CADM1: variants seen among roughly 807,000 people sequenced by gnomAD.
CADM1 encodes the protein TSLC-1.
A neutral mutation model predicts 53.1 loss-of-function variants in CADM1; 15 were observed. The ratio of observed to expected loss-of-function variants is 0.28; its 90% CI spans 0.19 to 0.44. The LOEUF is 0.44. Ranked by LOEUF, CADM1 falls within the 20% of genes least tolerant of loss-of-function variation. The probability of loss-of-function intolerance (pLI) is 1.00; values close to 1 mark genes in which losing one functional copy is unlikely to be tolerated. For missense variants in CADM1, 434 were observed against 611.3 expected (o/e 0.71, Z 3.06); for synonymous variants, 281 against 243.0 (o/e 1.16, Z -1.45).
intron 1 of CADM1, among the ~76,000 whole-genome samples, chr11:115,295,601 A>C (rs1944058004): frequency 6.9e-6 from 1 of 145,122 alleles, no homozygotes; most frequent in South Asian, 2.2e-4. Flanking sequence ...TAAATTCTGC[A>C]ATTTCCCTTC....
At chr11:115,223,140 A>C (rs1293937611) in intron 5 of CADM1, among the ~76,000 whole-genome samples, 3 of 152,172 alleles carry the variant, frequency 2.0e-5, no homozygotes, top group African/African-American at 7.2e-5. Context: ...CTACTGATTA[A>C]AAAATAAATA....
In CADM1 at chr11:115,235,236, GA is replaced by G. The variant is rs140297232; in HGVS notation, c.424+3263del. Among the ~76,000 whole-genome samples the G allele has an allele frequency of 5.5e-5, 8 of 146,738 alleles. No homozygotes were observed. The East Asian group carries it at 5.9e-4, about 11-fold the overall frequency. On this transcript the variant is annotated intron_variant, in intron 3 of 11. Transcript: ENST00000331581. ...TGAGGTGATTTAAATCTGCTTTTCT[GA>G]AAAAAAAAGGGTTGGACAAGAAAAT... is the stretch of plus-strand genomic sequence containing the variant.
At chr11:115,284,114 C>CTGTGTGTG (rs751286330) in intron 1 of CADM1, among the ~76,000 whole-genome samples, 11 of 98,688 alleles carry the variant, frequency 1.1e-4, no homozygotes, top group South Asian at 3.2e-4. Context: ...CTCTCTCTCT[C>CTGTGTGTG]TGTGTGTGTG....
At chr11:115,442,316 G>A (rs1158197292) in intron 1 of CADM1, among the ~76,000 whole-genome samples, 1 of 152,038 alleles carries the variant, frequency 6.6e-6, no homozygotes, top group East Asian at 1.9e-4. Flanking sequence ...TAAAGCTTTG[G>A]GATGTTGTAC....
intron 5 of CADM1, among the ~76,000 whole-genome samples, chr11:115,219,511 A>T (rs2134786172): frequency 6.6e-6 from 1 of 152,324 alleles, no homozygotes; most frequent in African/African-American, 2.4e-5. Context: ...TAAAGTTAAC[A>T]AGCCCAGAAG....
intron 1 of CADM1, among the ~76,000 whole-genome samples, chr11:115,323,239 T>C (rs77979185): frequency 0.012 from 1,825 of 152,312 alleles, 33 homozygotes; most frequent in African/African-American, 0.041. Flanking sequence ...CTTCTTTAGA[T>C]AAATGTATTA....
chr11:115,185,551 T>G (rs1279183006), intron 10 of CADM1, among the ~76,000 whole-genome samples: 1 of 152,186 alleles, frequency 6.6e-6, no homozygotes, highest in Non-Finnish European at 1.5e-5. Context: ...TTGTTGATTT[T>G]TTCCCCTCTC....
At chr11:115,405,928 C>T (rs1196073344) in intron 1 of CADM1, among the ~76,000 whole-genome samples, 1 of 152,064 alleles carries the variant, frequency 6.6e-6, no homozygotes. Context: ...GAGAGGACGT[C>T]CAAACACGGC....
At chr11:115,367,158 G>A (rs1431698812) in intron 1 of CADM1, among the ~76,000 whole-genome samples, 1 of 152,224 alleles carries the variant, frequency 6.6e-6, no homozygotes, top group Non-Finnish European at 1.5e-5. Flanking sequence ...AGGCTGCAGT[G>A]AGCTATGATT....
intron 8 of CADM1, among the ~76,000 whole-genome samples, chr11:115,203,681 G>T (rs1940544097): frequency 6.6e-6 from 1 of 152,076 alleles, no homozygotes; most frequent in Non-Finnish European, 1.5e-5. Flanking sequence ...TTGAAATTAT[G>T]ATAGAGGCAT....
intron 1 of CADM1, among the ~76,000 whole-genome samples, chr11:115,416,811 G>C (rs935518043): frequency 1.3e-5 from 2 of 151,728 alleles, no homozygotes; most frequent in African/African-American, 4.8e-5. Context: ...AGGAAAATTA[G>C]AAAATGCTCT....
At chr11:115,469,082 T>C (rs1025534559) in intron 1 of CADM1, among the ~76,000 whole-genome samples, 4 of 152,176 alleles carry the variant, frequency 2.6e-5, no homozygotes, top group Admixed American at 2.6e-4. Flanking sequence ...CAGTTCAAGA[T>C]GAGATTTAGG....
intron 1 of CADM1, among the ~76,000 whole-genome samples, chr11:115,480,251 G>A (rs1207686953): frequency 6.6e-6 from 1 of 152,116 alleles, no homozygotes; most frequent in African/African-American, 2.4e-5. Flanking sequence ...AAAACTGGAA[G>A]AGAAAGAAAA....
intron 1 of CADM1, among the ~76,000 whole-genome samples, chr11:115,297,401 CT>C (rs1944107748): frequency 6.6e-6 from 1 of 152,174 alleles, no homozygotes; most frequent in Non-Finnish European, 1.5e-5. Context: ...ATTAGAGATA[CT>C]GCTGTAATGA....
At chr11:115,182,006 C>T (rs1939336913) in intron 10 of CADM1, among the ~76,000 whole-genome samples, 1 of 152,170 alleles carries the variant, frequency 6.6e-6, no homozygotes, top group African/African-American at 2.4e-5. Context: ...CTTCCATTCC[C>T]AAGGCAAGGA....
intron 1 of CADM1, among the ~76,000 whole-genome samples, chr11:115,475,118 T>C (rs528720629): frequency 1.4e-4 from 22 of 152,296 alleles, no homozygotes; most frequent in Admixed American, 1.2e-3. Flanking sequence ...GTCGCTTATA[T>C]AAAATGGTAT....
chr11:115,346,996 A>G (rs1352173904), intron 1 of CADM1, among the ~76,000 whole-genome samples: 1 of 152,206 alleles, frequency 6.6e-6, no homozygotes, highest in Admixed American at 6.5e-5. Flanking sequence ...TGAAAGAGAC[A>G]GAACGAAATT....
At chr11:115,430,971 T>C (rs1469875097) in intron 1 of CADM1, among the ~76,000 whole-genome samples, 3 of 152,236 alleles carry the variant, frequency 2.0e-5, no homozygotes, top group Admixed American at 6.5e-5. Context: ...TTTGCTGATA[T>C]TGCTGGAAAT....
At chr11:115,330,853 G>A (rs2135216012) in intron 1 of CADM1, among the ~76,000 whole-genome samples, 1 of 152,290 alleles carries the variant, frequency 6.6e-6, no homozygotes, top group South Asian at 2.1e-4. Flanking sequence ...GGAGCCAGGA[G>A]TCAGTTCAAT....
Sources: gnomAD v4.1 joint callset for allele counts (sites outside exome capture counted in the v4.1 genomes callset) on GRCh38, gnomAD v4.1.1 for gene constraint, MANE v1.5 for transcripts, NCBI Gene and HGNC (gene_info 2026-07-23, HGNC 2026-07-21) for gene names.